The following NRG1 variants were observed in gnomAD, a reference collection of about 807,000 sequenced individuals.
NRG1 encodes pro-neuregulin-1, membrane-bound isoform.
NRG1 carries 18 observed loss-of-function variants against 63.8 expected under a neutral mutation model. The ratio of observed to expected loss-of-function variants is 0.28; its 90% CI spans 0.19 to 0.42. The LOEUF (loss-of-function observed/expected upper bound fraction) is 0.42, where lower values mean the gene tolerates loss of function less well. NRG1 is among the 10% of genes least tolerant of loss of function. NRG1 has a pLI of 1.00. For missense variants in NRG1, 762 were observed against 814.7 expected (o/e 0.94, Z 0.79); for synonymous variants, 302 against 301.3 (o/e 1.00, Z -0.02).
At chr8:32,248,974 A>AGCTT (rs1329687501) in intron 1 of NRG1, among the ~76,000 whole-genome samples, 1 of 152,050 alleles carries the variant, frequency 6.6e-6, no homozygotes, top group Non-Finnish European at 1.5e-5. Flanking sequence ...TACAAGAGAC[A>AGCTT]GCTTTTTCCC....
At chr8:32,340,143 T>C (rs1369136315) in intron 1 of NRG1, among the ~76,000 whole-genome samples, 13 of 152,222 alleles carry the variant, frequency 8.5e-5, no homozygotes, top group Admixed American at 8.5e-4. Flanking sequence ...TTAATTGGCA[T>C]TTAATGAAAT....
At chr8:32,555,788 T>C (rs960399183) in intron 1 of NRG1, among the ~76,000 whole-genome samples, 2 of 152,312 alleles carry the variant, frequency 1.3e-5, no homozygotes, top group African/African-American at 4.8e-5. Flanking sequence ...TATTTTAATA[T>C]GGTCACACAG....
At chr8:31,772,140 TG>T (rs1818683967) in intron 1 of NRG1, among the ~76,000 whole-genome samples, 1 of 152,210 alleles carries the variant, frequency 6.6e-6, no homozygotes, top group Admixed American at 6.5e-5. Context: ...TAACTGTGTT[TG>T]GGTTATTTTC....
chr8:32,407,627 T>C (rs75909858), intron 1 of NRG1, among the ~76,000 whole-genome samples: 20,279 of 151,920 alleles, frequency 0.13, 1,881 homozygotes, highest in Admixed American at 0.26. Flanking sequence ...CATGCCCTTC[T>C]TCCTCCTTAC....
chr8:32,647,638 T>C (rs373722593), intron 5 of NRG1: 13 of 1,491,960 alleles, frequency 8.7e-6, no homozygotes, highest in African/African-American at 1.4e-5. Context: ...CCCTGTAAGA[T>C]GCTGTATCAT....
At chr8:31,862,093 G>A (rs957515055) in intron 1 of NRG1, among the ~76,000 whole-genome samples, 2 of 152,158 alleles carry the variant, frequency 1.3e-5, no homozygotes, top group African/African-American at 4.8e-5. Context: ...TGTATTTGGA[G>A]AGAAGGAAAC....
chr8:31,857,814 C>G (rs567797140), intron 1 of NRG1, among the ~76,000 whole-genome samples: 4 of 152,232 alleles, frequency 2.6e-5, no homozygotes, highest in Non-Finnish European at 5.9e-5. Context: ...CAAAATGGGT[C>G]ATAAAGCAAT....
intron 1 of NRG1, among the ~76,000 whole-genome samples, chr8:32,087,186 G>T (rs1330685031): frequency 6.6e-6 from 1 of 152,144 alleles, no homozygotes; most frequent in Non-Finnish European, 1.5e-5. Flanking sequence ...TGGAGATGGG[G>T]TCTAATGGGA....
At chr8:32,771,852 G>A (rs527382868), downstream of NRG1, among the ~76,000 whole-genome samples, 13 of 146,346 alleles carry the variant, frequency 8.9e-5, no homozygotes, top group South Asian at 2.4e-3. Context: ...GTGAAACCTC[G>A]TCTCTATTAA....
intron 1 of NRG1, among the ~76,000 whole-genome samples, chr8:32,340,244 TAC>T (rs1190841007): frequency 6.6e-6 from 1 of 152,164 alleles, no homozygotes; most frequent in Non-Finnish European, 1.5e-5. Context: ...TATGCATACA[TAC>T]ACACACACAC....
At chr8:32,021,287 T>G (rs1563688206) in intron 1 of NRG1, among the ~76,000 whole-genome samples, 1 of 107,672 alleles carries the variant, frequency 9.3e-6, no homozygotes, top group Non-Finnish European at 2.5e-5. Flanking sequence ...GACCCTGGCT[T>G]CTGGCAGGGG....
intron 1 of NRG1, among the ~76,000 whole-genome samples, chr8:32,407,025 C>A (rs1563419998): frequency 6.6e-6 from 1 of 151,470 alleles, no homozygotes; most frequent in Non-Finnish European, 1.5e-5. Flanking sequence ...AGCTTTAGCC[C>A]TGGGGTCACA....
chr8:31,669,544 C>T (rs1806900270), intron 1 of NRG1, among the ~76,000 whole-genome samples: 1 of 151,980 alleles, frequency 6.6e-6, no homozygotes, highest in South Asian at 2.1e-4. Flanking sequence ...CAGCCTTATA[C>T]AATATTTTTA....
At chr8:31,684,707 T>C (rs1196987487) in intron 1 of NRG1, among the ~76,000 whole-genome samples, 1 of 152,146 alleles carries the variant, frequency 6.6e-6, no homozygotes, top group African/African-American at 2.4e-5. Context: ...TATATATTAC[T>C]GATCATGTGC....
chr8:31,690,255 A>C (rs1292578906), intron 1 of NRG1, among the ~76,000 whole-genome samples: 4 of 132,360 alleles, frequency 3.0e-5, no homozygotes, highest in Non-Finnish European at 5.0e-5. Flanking sequence ...TTCCTCTATA[A>C]ATTACCCAGT....
At chr8:32,701,989 C>T (rs1815019557) in intron 5 of NRG1, among the ~76,000 whole-genome samples, 1 of 152,156 alleles carries the variant, frequency 6.6e-6, no homozygotes, top group South Asian at 2.1e-4. Flanking sequence ...TGTATTTTCC[C>T]TTTTCCTAGT....
intron 1 of NRG1, among the ~76,000 whole-genome samples, chr8:31,939,503 GA>G (rs1197417785): frequency 0.012 from 1,718 of 141,642 alleles, 24 homozygotes; most frequent in African/African-American, 0.034. Context: ...ATAACACAAT[GA>G]AAAAAAAAAA....
At chr8:32,394,898 A>G (rs781572141) in intron 1 of NRG1, among the ~76,000 whole-genome samples, 1 of 152,194 alleles carries the variant, frequency 6.6e-6, no homozygotes, top group African/African-American at 2.4e-5. Flanking sequence ...GTAAGTCCTC[A>G]TGTGGCACCT....
At chr8:32,713,129 A>G (rs909778298) in intron 5 of NRG1, among the ~76,000 whole-genome samples, 2 of 152,210 alleles carry the variant, frequency 1.3e-5, no homozygotes, top group Non-Finnish European at 2.9e-5. Context: ...AACATAGATT[A>G]CATACCCCAC....
Sources: allele counts gnomAD v4.1 joint callset (sites outside exome capture counted in the v4.1 genomes callset), GRCh38; gene constraint gnomAD v4.1.1; transcripts MANE v1.5; gene names NCBI Gene and HGNC (gene_info 2026-07-23, HGNC 2026-07-21).